Variants in DIP2C observed in about 807,000 individuals in gnomAD.
DIP2C encodes DIP2 acetate--CoA ligase C (putative).
A neutral mutation model predicts 192.4 loss-of-function variants in DIP2C; 33 were observed. The observed-to-expected ratio is 0.17, with a 90% confidence interval of 0.13 to 0.23. DIP2C has a LOEUF of 0.23. DIP2C is among the 10% of genes least tolerant of loss of function. DIP2C has a pLI of 1.00. For missense variants in DIP2C, 1,537 were observed against 2,110.1 expected (o/e 0.73, Z 5.32); for synonymous variants, 979 against 864.1 (o/e 1.13, Z -2.33).
At chr10:554,394 AG>A (rs1409800298) in intron 1 of DIP2C, among the ~76,000 whole-genome samples, 1 of 152,260 alleles carries the variant, frequency 6.6e-6, no homozygotes, top group African/African-American at 2.4e-5. Flanking sequence ...CCTTTTCTAC[AG>A]TGATATCTGA....
chr10:444,303 C>T (rs1967978262), intron 3 of DIP2C, among the ~76,000 whole-genome samples: 1 of 117,604 alleles, frequency 8.5e-6, no homozygotes, highest in South Asian at 2.2e-4. Flanking sequence ...TTCCTTGGCA[C>T]TGTTCCGTCA....
At position 419,120 on chromosome 10, in the gene DIP2C, C is replaced by A; in HGVS notation, c.684G>T (p.Thr228=). 6.2e-7 allele frequency: 1 copy of A among 1,614,260 alleles called. No individual in the cohort carries two copies. The highest frequency in any genetic ancestry group is 1.3e-5 in the African/African-American group (1 of 75,068). The change falls in exon 6 of 37, where the codon ACG becomes ACT. Residue 228 remains threonine, a synonymous_variant. Coordinates refer to ENST00000280886, the MANE Select transcript of DIP2C (RefSeq NM_014974.3). ...SIQVERPQGS[T]GSRTAPKYGN... is the part of the protein sequence containing the mutation. ...CGTACTTGGGCGCTGTCCGGGACCC[C>A]GTGGAACCCTGCGGTCTCTCCACCT... is the stretch of plus-strand genomic sequence containing the variant.
chr10:542,482 C>T (rs1291608658), intron 1 of DIP2C, among the ~76,000 whole-genome samples: 1 of 152,242 alleles, frequency 6.6e-6, no homozygotes, highest in Non-Finnish European at 1.5e-5. Context: ...AGCGGCCAGA[C>T]GACCACAGCC....
chr10:393,778 C>CAAAAAAAAAAAAAAAAAAA (rs34390976), intron 10 of DIP2C, among the ~76,000 whole-genome samples: 2 of 66,698 alleles, frequency 3.0e-5, no homozygotes, highest in African/African-American at 1.3e-4. Flanking sequence ...GACTCCGTCT[C>CAAAAAAAAAAAAAAAAAAA]AAAAAAAAAA....
chr10:405,928 G>C (rs1020216695), intron 9 of DIP2C, among the ~76,000 whole-genome samples: 2 of 152,060 alleles, frequency 1.3e-5, no homozygotes, highest in Non-Finnish European at 2.9e-5. Flanking sequence ...TTTTCTCCTC[G>C]AGAGCCCTTC....
chr10:550,113 A>C (rs1848509416), intron 1 of DIP2C, among the ~76,000 whole-genome samples: 1 of 149,458 alleles, frequency 6.7e-6, no homozygotes, highest in African/African-American at 2.5e-5. Flanking sequence ...GGGTTCAAGT[A>C]ATTCTCCTGC....
At chr10:678,636 T>C (rs10904538) in intron 1 of DIP2C, among the ~76,000 whole-genome samples, 1,933 of 12,720 alleles carry the variant, frequency 0.15, 39 homozygotes, top group Middle Eastern at 0.42. Context: ...GCTCCCCATG[T>C]CCATGCTCCC....
At chr10:348,813 C>T in intron 25 of DIP2C, 51 bp from the exon 26 acceptor site, 1 of 1,602,022 alleles carries the variant, frequency 6.2e-7, no homozygotes, top group Non-Finnish European at 8.5e-7. Flanking sequence ...CTGCTGAGTG[C>T]ACACTCTCCC....
chr10:439,547 G>A (rs1967558721), intron 4 of DIP2C, among the ~76,000 whole-genome samples: 2 of 152,188 alleles, frequency 1.3e-5, no homozygotes, highest in Admixed American at 1.3e-4. Flanking sequence ...AGCCCAGGTG[G>A]TCACGGCTGC....
chr10:615,891 G>T (rs930094450), intron 1 of DIP2C, among the ~76,000 whole-genome samples: 1 of 152,148 alleles, frequency 6.6e-6, no homozygotes. Context: ...TTTGCCGGCC[G>T]TCTTACTCTA....
intron 2 of DIP2C, among the ~76,000 whole-genome samples, chr10:484,457 A>G (rs1843848675): frequency 1.3e-5 from 2 of 152,252 alleles, no homozygotes; most frequent in South Asian, 4.1e-4. Context: ...GAAAGTCTGT[A>G]GAATACCAGT....
At chr10:526,849 GCT>G (rs954386413) in intron 1 of DIP2C, among the ~76,000 whole-genome samples, 2 of 152,222 alleles carry the variant, frequency 1.3e-5, no homozygotes, top group African/African-American at 4.8e-5. Context: ...GTGCTCTGAG[GCT>G]CTGTCCTGCC....
At chr10:311,561 G>A in intron 31 of DIP2C, 1 of 1,232,558 alleles carries the variant, frequency 8.1e-7, no homozygotes, top group Non-Finnish European at 1.0e-6. Context: ...TCCACAGCCT[G>A]TGAGGCTACA....
chr10:339,829 A>C (rs1958056516), intron 29 of DIP2C, among the ~76,000 whole-genome samples: 2 of 152,364 alleles, frequency 1.3e-5, no homozygotes, highest in South Asian at 4.1e-4. Context: ...AAAAATACAG[A>C]ATTACATTTT....
intron 1 of DIP2C, among the ~76,000 whole-genome samples, chr10:578,974 A>C (rs1454382723): frequency 6.6e-6 from 1 of 152,186 alleles, no homozygotes; most frequent in East Asian, 1.9e-4. Context: ...ATCCAGATCC[A>C]TGTAGTGTAC....
At chr10:653,025 C>T (rs1403871831) in intron 1 of DIP2C, among the ~76,000 whole-genome samples, 1 of 152,040 alleles carries the variant, frequency 6.6e-6, no homozygotes, top group Non-Finnish European at 1.5e-5. Flanking sequence ...TGTCCAACAA[C>T]ACTTCAGACG....
At chr10:362,821 T>A in intron 21 of DIP2C, 130 bp from the exon 22 acceptor site, 1 of 1,064,634 alleles carries the variant, frequency 9.4e-7, no homozygotes, top group Admixed American at 2.9e-5. Flanking sequence ...AGCATAAAAA[T>A]GCCAAGGTAA....
intron 1 of DIP2C, among the ~76,000 whole-genome samples, chr10:504,407 G>C (rs1009817193): frequency 1.3e-5 from 2 of 152,156 alleles, no homozygotes; most frequent in Non-Finnish European, 2.9e-5. Flanking sequence ...CGAACTACCT[G>C]GAAGTCCTGG....
Position 337,026 on chromosome 10 carries a change from T to C in DIP2C, c.3584+4173A>G, listed in dbSNP as rs1359752686. Among the ~76,000 whole-genome samples the C allele has an allele frequency of 2.5e-3, 224 of 88,668 alleles. 1 individual carries two copies. The highest frequency in any genetic ancestry group is 4.1e-3 in the Non-Finnish European group (183 of 45,134). 58.2% of individuals were successfully genotyped at this position (88,668 alleles called of 152,430 possible). A position where few individuals can be genotyped will look rare whatever the true frequency, so the allele number is the denominator to read the frequency against. Reference sequence around the variant, plus strand: ...GCCTAGGCAGCTGTGTGTGTGTGTGTGTGTGTTGTGGAGGCCTAGACTGGT... The same window carrying C: ...GCCTAGGCAGCTGTGTGTGTGTGTGCGTGTGTTGTGGAGGCCTAGACTGGT... On this transcript the variant is annotated intron_variant, in intron 29 of 36. Transcript: ENST00000280886.
Sources: allele counts gnomAD v4.1 joint callset (sites outside exome capture counted in the v4.1 genomes callset), GRCh38; gene constraint gnomAD v4.1.1; transcripts MANE v1.5; gene names NCBI Gene and HGNC (gene_info 2026-07-23, HGNC 2026-07-21).